Variants in ANO1 observed in about 807,000 individuals in gnomAD.
The protein encoded by ANO1 is anoctamin-1.
ANO1 carries 59 observed loss-of-function variants against 124.0 expected under a neutral mutation model. The ratio of observed to expected loss-of-function variants is 0.48; its 90% CI spans 0.39 to 0.59. The LOEUF is 0.59. ANO1 is among the 20% of genes least tolerant of loss of function. ANO1 has a pLI of 0.00. For synonymous variants in ANO1, 529 were observed against 532.0 expected, an observed-to-expected ratio of 0.99 and a Z score of 0.08; for missense variants, 1,059 against 1,328.0, an observed-to-expected ratio of 0.80 and a Z score of 3.15.
intron 1 of ANO1, among the ~76,000 whole-genome samples, chr11:70,068,418 C>G (rs1857786480): frequency 6.6e-6 from 1 of 152,222 alleles, no homozygotes; most frequent in Non-Finnish European, 1.5e-5. Flanking sequence ...GTGTGCCAGG[C>G]TCCGCTGGGT....
At chr11:69,971,368 T>C in the ANO1 span, among the ~76,000 whole-genome samples, 1 of 152,210 alleles carries the variant, frequency 6.6e-6, no homozygotes, top group Non-Finnish European at 1.5e-5. Flanking sequence ...TTGTGTGTTC[T>C]GTTCTCTGCT....
At chr11:70,172,208 G>A (rs552228031) in intron 22 of ANO1, among the ~76,000 whole-genome samples, 1 of 152,060 alleles carries the variant, frequency 6.6e-6, no homozygotes, top group African/African-American at 2.4e-5. Flanking sequence ...CTTCCTTGTG[G>A]ATTAGTGAGC....
At chr11:70,171,315 G>T (rs1352831258) in intron 22 of ANO1, among the ~76,000 whole-genome samples, 2 of 152,134 alleles carry the variant, frequency 1.3e-5, no homozygotes, top group Non-Finnish European at 2.9e-5. Flanking sequence ...ACAACCTGCT[G>T]CTTTAGGAGG....
chr11:70,023,206 G>A (rs11826449), intron 1 of ANO1, among the ~76,000 whole-genome samples: 4,736 of 152,312 alleles, frequency 0.031, 256 homozygotes, highest in African/African-American at 0.11. Context: ...AAACTCGTGC[G>A]CTGGGAGATG....
At position 70,104,121 on chromosome 11, in the gene ANO1, C is replaced by A; in HGVS notation, c.663C>A (p.Ser221=). 1 of 1,613,048 alleles carries A rather than the reference C, an allele frequency of 6.2e-7. No homozygotes were observed. ...EHRPQTMKRL[S]YPFSREKQHL... ...GGCCCCAGACCATGAAGAGACTCTC[C>A]TATCCCTTCTCCCGGGAGAAGCAGC... Residue 221 remains serine, a synonymous_variant, in exon 4 of 26, where the codon TCC becomes TCA. Coordinates refer to ENST00000355303, the MANE Select transcript of ANO1 (RefSeq NM_018043.7).
At chr11:70,145,114 A>G (rs1465256132) in intron 11 of ANO1, among the ~76,000 whole-genome samples, 3 of 152,216 alleles carry the variant, frequency 2.0e-5, no homozygotes, top group Admixed American at 2.0e-4. Context: ...CAGGAGAATT[A>G]CTTGAGGAGG....
intron 1 of ANO1, among the ~76,000 whole-genome samples, chr11:70,010,347 G>T (rs1364936052): frequency 6.6e-6 from 1 of 151,214 alleles, no homozygotes; most frequent in Non-Finnish European, 1.5e-5. Flanking sequence ...TTTTCCTCTG[G>T]GTAGATACCC....
At position 70,137,133 on chromosome 11, in the gene ANO1, G is replaced by A. The variant is rs79689223; in HGVS notation, c.1258+5054G>A. On this transcript the variant is annotated intron_variant, in intron 11 of 25. Coordinates refer to ENST00000355303, the MANE Select transcript of ANO1 (RefSeq NM_018043.7). ...TGGTTTTTAATTTGGGGATCAAAAT[G>A]TATCGTAAATTTAGAATTATAAATG... 1.0e-4 allele frequency among the ~76,000 whole-genome samples: 15 copies of A among 147,524 alleles called. 1 individual carries two copies. In the East Asian group the frequency reaches 2.8e-3, roughly 28 times the overall value.
the ANO1 span, among the ~76,000 whole-genome samples, chr11:69,980,417 G>A: frequency 1.3e-4 from 20 of 151,848 alleles, no homozygotes; most frequent in Non-Finnish European, 2.2e-4. Flanking sequence ...AGGTCAGATC[G>A]AGACCATCCT....
intron 12 of ANO1, among the ~76,000 whole-genome samples, chr11:70,150,122 G>A (rs562169703): frequency 1.3e-5 from 2 of 152,306 alleles, no homozygotes; most frequent in African/African-American, 4.8e-5. Context: ...TGCCTGGGCT[G>A]TCGGCACCAC....
At chr11:70,019,294 A>C in intron 1 of ANO1, among the ~76,000 whole-genome samples, 1 of 135,592 alleles carries the variant, frequency 7.4e-6, no homozygotes, top group East Asian at 2.4e-4. Flanking sequence ...CTCACAACCC[A>C]CGCTACACAC....
At chr11:69,992,215 T>TAGATG (rs1376045020) in intron 1 of ANO1, among the ~76,000 whole-genome samples, 1 of 132,956 alleles carries the variant, frequency 7.5e-6, no homozygotes, top group African/African-American at 2.8e-5. Flanking sequence ...GACGAATGGA[T>TAGATG]AGATGGATGG....
At position 70,107,490 on chromosome 11, in the gene ANO1, C is replaced by CGGGGGGGGGGGGGGGG. The variant is rs1432604573; in HGVS notation, c.748-861_748-860insGGGGGGGGGGGGGGGG. ...TTGGGACAGGTGGGTCCAGTGGAGG[C>CGGGGGGGGGGGGGGGG]GGCGGGGCGGGGAAGCGGTCAGATG... is the stretch of plus-strand genomic sequence containing the variant. On this transcript the variant is annotated intron_variant, in intron 5 of 25. Transcript: ENST00000355303. Among the ~76,000 whole-genome samples the CGGGGGGGGGGGGGGGG allele has an allele frequency of 4.3e-4, 28 of 64,474 alleles. 1 individual carries two copies. The highest frequency in any genetic ancestry group is 7.6e-4 in the Admixed American group (6 of 7,854). The allele number at this position is 64,474 out of a possible 152,430, so 42.3% of individuals were successfully genotyped here.
At chr11:70,087,688 C>T in intron 1 of ANO1, 64 bp from the exon 2 acceptor site, 4 of 1,423,150 alleles carry the variant, frequency 2.8e-6, no homozygotes, top group Non-Finnish European at 3.8e-6. Flanking sequence ...GGGAGCAGCG[C>T]ACCCTCCAAA....
At chr11:70,115,084 AGTCAGGCTTGG>A (rs1169902908) in intron 7 of ANO1, among the ~76,000 whole-genome samples, 1 of 152,064 alleles carries the variant, frequency 6.6e-6, no homozygotes, top group Non-Finnish European at 1.5e-5. Context: ...CACTAAAAGG[AGTCAGGCTTGG>A]GTGGGTGAGG....
chr11:70,050,428 C>A (rs1181968112), intron 1 of ANO1, among the ~76,000 whole-genome samples: 1 of 152,142 alleles, frequency 6.6e-6, no homozygotes, highest in African/African-American at 2.4e-5. Flanking sequence ...TCACCCGGAG[C>A]CCCCTTCCTC....
rs535621316 is a variant in ANO1 at position 70,056,730 on chromosome 11, C to G, written c.59-21812C>G. Among the ~76,000 whole-genome samples, 17 of 152,042 alleles carry G rather than the reference C, an allele frequency of 1.1e-4. No homozygotes were observed. The East Asian group carries it at 3.3e-3, about 29-fold the overall frequency. Reference sequence around the variant, plus strand: ...GACACTTCAAATATTGCTTCTGCCCCATTTTCTCCCTTCTGTTTTTTTCAG... The same window carrying G: ...GACACTTCAAATATTGCTTCTGCCCGATTTTCTCCCTTCTGTTTTTTTCAG... On this transcript the variant is annotated intron_variant, in intron 1 of 27. Transcript: ENST00000531349.
At position 70,087,793 on chromosome 11, in the gene ANO1, G is replaced by A. The variant is rs1281443749; in HGVS notation, c.150G>A (p.Lys50=). The A allele has an allele frequency of 1.9e-6, 3 of 1,612,262 alleles. No homozygotes were observed. Among genetic ancestry groups the A allele is most frequent in the Non-Finnish European group, 1.7e-6 (2 of 1,179,396 alleles). ...CTGTGGACCCTGATGCCGAGTGCAA[G>A]TATGGCCTGTACTTCAGGGACGGCC... is the stretch of plus-strand genomic sequence containing the variant. ...SLSVDPDAEC[K]YGLYFRDGRR... is the part of the protein sequence containing the mutation. The change falls in exon 2 of 26, where the codon AAG becomes AAA. Residue 50 remains lysine (K), a synonymous_variant. Transcript: ENST00000355303.
intron 1 of ANO1, among the ~76,000 whole-genome samples, chr11:70,033,903 G>A (rs1172605475): frequency 1.3e-5 from 2 of 152,046 alleles, no homozygotes; most frequent in African/African-American, 4.8e-5. Context: ...AACATCTGCT[G>A]TCACTATCTT....
Sources: allele counts gnomAD v4.1 joint callset (sites outside exome capture counted in the v4.1 genomes callset), GRCh38; gene constraint gnomAD v4.1.1; transcripts MANE v1.5; gene names NCBI Gene and HGNC (gene_info 2026-07-23, HGNC 2026-07-21).